SLC4A4: variants seen among roughly 807,000 people sequenced by gnomAD.
SLC4A4 encodes the protein electrogenic sodium bicarbonate cotransporter 1.
A neutral mutation model predicts 111.5 loss-of-function variants in SLC4A4; 27 were observed. That is an observed-to-expected ratio of 0.24 (90% CI 0.18 to 0.33). SLC4A4 has a LOEUF of 0.33. Ranked by LOEUF, SLC4A4 falls within the 10% of genes least tolerant of loss-of-function variation. The pLI, the probability that SLC4A4 is intolerant of heterozygous loss-of-function variation, is 1.00. For synonymous variants in SLC4A4, 443 were observed against 463.4 expected (o/e 0.96, Z 0.57); for missense variants, 909 against 1,315.5 (o/e 0.69, Z 4.78).
intron 1 of SLC4A4, among the ~76,000 whole-genome samples, chr4:71,082,327 C>G (rs1742015827): frequency 6.9e-6 from 1 of 144,038 alleles, no homozygotes; most frequent in South Asian, 2.2e-4. Context: ...ACGTTATTTG[C>G]AAATAACTGT....
At chr4:71,528,805 A>G (rs537470684) in intron 16 of SLC4A4, among the ~76,000 whole-genome samples, 83 of 152,180 alleles carry the variant, frequency 5.5e-4, no homozygotes, top group South Asian at 3.7e-3. Flanking sequence ...AATAGAATAA[A>G]AGTGGAAAAA....
At chr4:71,135,373 G>A (rs1245554667) in intron 2 of SLC4A4, among the ~76,000 whole-genome samples, 2 of 143,628 alleles carry the variant, frequency 1.4e-5, no homozygotes, top group Non-Finnish European at 3.0e-5. Flanking sequence ...TTGGCTCACT[G>A]CAACCTCAGC....
chr4:71,306,536 T>G (rs1041456516), intron 3 of SLC4A4, among the ~76,000 whole-genome samples: 2 of 152,014 alleles, frequency 1.3e-5, no homozygotes, highest in Non-Finnish European at 2.9e-5. Flanking sequence ...TGAGCTGAGA[T>G]TGCGCCACTG....
intron 2 of SLC4A4, among the ~76,000 whole-genome samples, chr4:71,177,126 A>G (rs949648721): frequency 6.6e-4 from 101 of 152,252 alleles, no homozygotes; most frequent in African/African-American, 2.4e-3. Flanking sequence ...ACAAGCAGAT[A>G]CTGAGAGATT....
At chr4:71,204,178 A>G (rs1441086094) in intron 1 of SLC4A4, among the ~76,000 whole-genome samples, 1 of 152,176 alleles carries the variant, frequency 6.6e-6, no homozygotes. Context: ...CCAACAATAA[A>G]CCTGGTGGGT....
At chr4:71,224,661 G>A (rs775108904) in intron 1 of SLC4A4, among the ~76,000 whole-genome samples, 8 of 152,210 alleles carry the variant, frequency 5.3e-5, no homozygotes, top group Non-Finnish European at 1.0e-4. Context: ...TGATTTGGGG[G>A]GGATTGCTAC....
chr4:71,494,831 T>C (rs1730256210), intron 15 of SLC4A4, among the ~76,000 whole-genome samples: 1 of 151,948 alleles, frequency 6.6e-6, no homozygotes, highest in Admixed American at 6.6e-5. Context: ...AGTTTGTTGG[T>C]GAAATGGACC....
At chr4:71,136,106 G>A (rs1743836365) in intron 2 of SLC4A4, among the ~76,000 whole-genome samples, 1 of 152,182 alleles carries the variant, frequency 6.6e-6, no homozygotes, top group South Asian at 2.1e-4. Flanking sequence ...CAGCTTTAGA[G>A]CCAAGCCCTT....
intron 1 of SLC4A4, among the ~76,000 whole-genome samples, chr4:71,086,816 A>G (rs1254912380): frequency 1.3e-5 from 2 of 152,040 alleles, no homozygotes; most frequent in Non-Finnish European, 2.9e-5. Context: ...CCAGTATTTT[A>G]TTGAGGATTT....
At chr4:71,495,656 T>A (rs1730335909) in intron 15 of SLC4A4, among the ~76,000 whole-genome samples, 1 of 152,146 alleles carries the variant, frequency 6.6e-6, no homozygotes, top group Admixed American at 6.6e-5. Context: ...CTTTTATGAC[T>A]ATATTACTCA....
At chr4:71,527,663 C>T (rs1419438228) in intron 16 of SLC4A4, among the ~76,000 whole-genome samples, 1 of 151,270 alleles carries the variant, frequency 6.6e-6, no homozygotes, top group Non-Finnish European at 1.5e-5. Context: ...ATTGAATTTA[C>T]TTGCCACCGT....
chr4:71,194,193 AT>A (rs1745881694), intron 1 of SLC4A4, among the ~76,000 whole-genome samples: 1 of 152,212 alleles, frequency 6.6e-6, no homozygotes, highest in Non-Finnish European at 1.5e-5. Context: ...TTTTTTCATT[AT>A]TAAAATAATT....
rs1426000774 is a variant in SLC4A4 at position 71,532,101 on chromosome 4, A to C, written c.2206A>C (p.Ile736Leu). Residue 736 changes from isoleucine (I) to leucine (L), a missense_variant, in exon 17 of 26, where the codon ATT (isoleucine) becomes CTT (leucine). This residue lies in a region of SLC4A4 where 264 missense variants were observed against 356.8 expected (regional missense o/e 0.74). Coordinates refer to ENST00000264485, the MANE Select transcript of SLC4A4 (RefSeq NM_001098484.3). Reference protein sequence around the residue: ...LISDFAIILSILIFCVIDALV... With the variant: ...LISDFAIILSLLIFCVIDALV... ...CAGTGATTTTGCCATTATCTTGTCC[A>C]TTCTCATCTTTTGTGTAATAGATGC... 1 of 1,613,158 alleles carries C rather than the reference A, an allele frequency of 6.2e-7. No individual in the cohort carries two copies. The highest frequency in any genetic ancestry group is 8.5e-7 in the Non-Finnish European group (1 of 1,179,468).
chr4:71,212,714 A>C (rs1718204074), intron 1 of SLC4A4, among the ~76,000 whole-genome samples: 1 of 152,172 alleles, frequency 6.6e-6, no homozygotes, highest in Non-Finnish European at 1.5e-5. Flanking sequence ...ATAGGGTAGC[A>C]GGTTTAGTTT....
intron 8 of SLC4A4, among the ~76,000 whole-genome samples, chr4:71,443,271 C>T (rs1425654446): frequency 2.0e-5 from 3 of 151,086 alleles, no homozygotes; most frequent in African/African-American, 7.3e-5. Flanking sequence ...CTGCCTCAAC[C>T]TCCTGAGCAG....
At chr4:71,480,628 T>G (rs1728788540) in intron 14 of SLC4A4, among the ~76,000 whole-genome samples, 1 of 151,804 alleles carries the variant, frequency 6.6e-6, no homozygotes, top group South Asian at 2.1e-4. Flanking sequence ...TGGCAGAGCT[T>G]ATTTAATTTT....
At chr4:71,320,961 G>T (rs2148866602) in intron 3 of SLC4A4, among the ~76,000 whole-genome samples, 1 of 152,180 alleles carries the variant, frequency 6.6e-6, no homozygotes, top group South Asian at 2.1e-4. Context: ...ATCTCTAGAT[G>T]CCTTGAAGTG....
chr4:71,068,544 G>A (rs559448229), intron 1 of SLC4A4, among the ~76,000 whole-genome samples: 6 of 151,772 alleles, frequency 4.0e-5, no homozygotes, highest in African/African-American at 1.4e-4. Context: ...GTTTTGTCAG[G>A]GCAACCTTTT....
chr4:71,511,469 T>C (rs2149175284), intron 16 of SLC4A4, among the ~76,000 whole-genome samples: 1 of 152,216 alleles, frequency 6.6e-6, no homozygotes, highest in South Asian at 2.1e-4. Flanking sequence ...GTCTTTAGTA[T>C]TTATTAGAAT....
Sources: gnomAD v4.1 joint callset for allele counts (sites outside exome capture counted in the v4.1 genomes callset) on GRCh38, gnomAD v4.1.1 for gene constraint, gnomAD v4.1.1 regional missense constraint, MANE v1.5 for transcripts, NCBI Gene and HGNC (gene_info 2026-07-23, HGNC 2026-07-21) for gene names.